ADGRB3: variants seen among roughly 807,000 people sequenced by gnomAD.
ADGRB3 encodes brain-specific angiogenesis inhibitor 3.
ADGRB3 carries 37 observed loss-of-function variants against 193.4 expected under a neutral mutation model. That is an observed-to-expected ratio of 0.19 (90% CI 0.15 to 0.25). The LOEUF (loss-of-function observed/expected upper bound fraction) is 0.25. Ranked by LOEUF, ADGRB3 falls within the 10% of genes least tolerant of loss-of-function variation. The probability of loss-of-function intolerance (pLI) is 1.00; values close to 1 mark genes in which losing one functional copy is unlikely to be tolerated. For missense variants in ADGRB3, 1,637 were observed against 1,852.9 expected (o/e 0.88, Z 2.14); for synonymous variants, 690 against 644.2 (o/e 1.07, Z -1.08).
intron 11 of ADGRB3, among the ~76,000 whole-genome samples, chr6:68,999,780 T>C (rs2150278307): frequency 6.6e-6 from 1 of 152,320 alleles, no homozygotes; most frequent in Middle Eastern, 3.4e-3. Flanking sequence ...CAATATTTTT[T>C]AAGCTCTTTG....
At chr6:68,899,099 C>T (rs989397144) in intron 3 of ADGRB3, among the ~76,000 whole-genome samples, 1 of 152,044 alleles carries the variant, frequency 6.6e-6, no homozygotes, top group Non-Finnish European at 1.5e-5. Context: ...AAGATGTTAA[C>T]ATTAGAGGAA....
intron 3 of ADGRB3, among the ~76,000 whole-genome samples, chr6:68,674,006 AG>A (rs1159088743): frequency 6.6e-6 from 1 of 152,146 alleles, no homozygotes; most frequent in Non-Finnish European, 1.5e-5. Flanking sequence ...CTATAAAATA[AG>A]GGACAGCCTT....
chr6:68,954,773 G>A lies in ADGRB3; in HGVS notation c.1196-1251G>A, dbSNP rs148988904. Among the ~76,000 whole-genome samples, 669 of 150,286 alleles carry A rather than the reference G, an allele frequency of 4.5e-3. 8 individuals carry two copies. Among genetic ancestry groups the A allele is most frequent in the African/African-American group, 0.016 (648 of 40,922 alleles). ...TGGCTCACTGCAAGCTCCACCTCCC[G>A]GGTTCACACCATTCTCCTGCCTCAG... On this transcript the variant is annotated intron_variant, in intron 6 of 31. Transcript: ENST00000370598.
intron 3 of ADGRB3, among the ~76,000 whole-genome samples, chr6:68,891,526 G>GAT (rs1766076553): frequency 6.6e-6 from 1 of 152,182 alleles, no homozygotes; most frequent in Non-Finnish European, 1.5e-5. Flanking sequence ...GAGACATTAT[G>GAT]ATGGTAGATT....
intron 11 of ADGRB3, among the ~76,000 whole-genome samples, chr6:69,013,633 A>G (rs1358018472): frequency 1.3e-5 from 2 of 152,250 alleles, no homozygotes; most frequent in Middle Eastern, 3.4e-3. Flanking sequence ...CTTTGAAACA[A>G]CATTGCAATA....
chr6:68,866,614 G>A (rs1191896503), intron 3 of ADGRB3, among the ~76,000 whole-genome samples: 2 of 152,184 alleles, frequency 1.3e-5, no homozygotes, highest in Non-Finnish European at 2.9e-5. Context: ...AAGAAGAAAG[G>A]AAGATGAGTG....
intron 16 of ADGRB3, among the ~76,000 whole-genome samples, chr6:69,066,011 A>G (rs991529156): frequency 6.6e-5 from 10 of 151,848 alleles, no homozygotes; most frequent in Admixed American, 6.6e-4. Flanking sequence ...AGTATACAAC[A>G]GAATGTGCAT....
chr6:69,338,985 T>A lies in ADGRB3; in HGVS notation c.3258T>A (p.Ala1086=), dbSNP rs1485985759. The A allele has an allele frequency of 3.7e-6, 6 of 1,613,872 alleles. No individual in the cohort carries two copies. Among genetic ancestry groups the A allele is most frequent in the Non-Finnish European group, 5.1e-6 (6 of 1,179,846 alleles). ...CAKCGVVSTT[A]LSATTASNAM... ...AGTGTGGAGTAGTTTCAACAACAGCTTTGTCAGCCACCACCGCCAGTAACG... is the reference window on the plus strand; with the variant it reads ...AGTGTGGAGTAGTTTCAACAACAGCATTGTCAGCCACCACCGCCAGTAACG... The change falls in exon 25 of 32, where the codon GCT becomes GCA. Residue 1086 remains alanine, a synonymous_variant. Transcript: ENST00000370598.
At chr6:68,997,621 C>T (rs1300510773) in intron 11 of ADGRB3, among the ~76,000 whole-genome samples, 1 of 151,064 alleles carries the variant, frequency 6.6e-6, no homozygotes, top group African/African-American at 2.4e-5. Context: ...CCACTGCACT[C>T]CGGCCTGGGT....
At chr6:69,161,793 C>T (rs1774993536) in intron 17 of ADGRB3, among the ~76,000 whole-genome samples, 1 of 152,008 alleles carries the variant, frequency 6.6e-6, no homozygotes, top group Admixed American at 6.6e-5. Context: ...AACTGAGAGC[C>T]TCAGTTATTT....
At chr6:68,680,156 T>C (rs1286748523) in intron 3 of ADGRB3, among the ~76,000 whole-genome samples, 1 of 152,014 alleles carries the variant, frequency 6.6e-6, no homozygotes, top group Non-Finnish European at 1.5e-5. Flanking sequence ...CTGTGAGAAA[T>C]AAATTTCTGT....
At chr6:68,720,651 A>T (rs768713079) in intron 3 of ADGRB3, among the ~76,000 whole-genome samples, 2 of 151,794 alleles carry the variant, frequency 1.3e-5, no homozygotes, top group Non-Finnish European at 2.9e-5. Flanking sequence ...AATAAAGTAC[A>T]ATATCTCAAA....
chr6:69,026,668 C>A (rs1282055856), intron 13 of ADGRB3, among the ~76,000 whole-genome samples: 1 of 152,138 alleles, frequency 6.6e-6, no homozygotes, highest in Non-Finnish European at 1.5e-5. Context: ...TTCCACAAAC[C>A]TAGATGGTAT....
chr6:68,689,705 A>G (rs1330871119), intron 3 of ADGRB3, among the ~76,000 whole-genome samples: 1 of 152,100 alleles, frequency 6.6e-6, no homozygotes, highest in Non-Finnish European at 1.5e-5. Flanking sequence ...ACCAAAAGAA[A>G]AAAAAACAAC....
chr6:69,048,860 T>C (rs1283707521), intron 14 of ADGRB3, among the ~76,000 whole-genome samples: 2 of 152,052 alleles, frequency 1.3e-5, no homozygotes, highest in East Asian at 1.9e-4. Context: ...GAAAACAAAT[T>C]TGAGAAAAAA....
chr6:68,929,689 A>T (rs1767284113), intron 3 of ADGRB3, among the ~76,000 whole-genome samples: 3 of 152,150 alleles, frequency 2.0e-5, no homozygotes, highest in Admixed American at 2.0e-4. Flanking sequence ...ATTTTAGTAA[A>T]ACCACTTTTC....
At chr6:69,157,148 G>A (rs989821658) in intron 17 of ADGRB3, among the ~76,000 whole-genome samples, 14 of 152,192 alleles carry the variant, frequency 9.2e-5, no homozygotes, top group African/African-American at 1.4e-4. Context: ...CCATCTGTAC[G>A]TAGAGATGAT....
At chr6:69,118,424 G>A (rs1160033442) in intron 17 of ADGRB3, among the ~76,000 whole-genome samples, 1 of 148,978 alleles carries the variant, frequency 6.7e-6, no homozygotes, top group East Asian at 2.1e-4. Flanking sequence ...ATGCCTACAA[G>A]AGATAAAGTC....
chr6:68,856,953 C>T (rs1033710585), intron 3 of ADGRB3, among the ~76,000 whole-genome samples: 8 of 152,044 alleles, frequency 5.3e-5, no homozygotes, highest in Non-Finnish European at 8.8e-5. Context: ...AAGCTCCAGC[C>T]ATGCCTAAAA....
Sources: allele counts gnomAD v4.1 joint callset (sites outside exome capture counted in the v4.1 genomes callset), GRCh38; gene constraint gnomAD v4.1.1; transcripts MANE v1.5; gene names NCBI Gene and HGNC (gene_info 2026-07-23, HGNC 2026-07-21).